The following RGS14 variants were observed in gnomAD, a reference collection of about 807,000 sequenced individuals.
RGS14 encodes the protein regulator of G-protein signaling 14.
A neutral mutation model predicts 63.8 loss-of-function variants in RGS14; 33 were observed. The ratio of observed to expected loss-of-function variants is 0.52; its 90% CI spans 0.39 to 0.69. The LOEUF is 0.69. Ranked by LOEUF, RGS14 falls within the 30% of genes least tolerant of loss-of-function variation. The pLI is 0.00. For synonymous variants in RGS14, 296 were observed against 320.9 expected (o/e 0.92, Z 0.83); for missense variants, 739 against 742.9 (o/e 0.99, Z 0.06).
At chr5:177,370,800 G>T in intron 10 of RGS14, 105 bp from the exon 11 acceptor site, 1 of 1,455,208 alleles carries the variant, frequency 6.9e-7, no homozygotes, top group Non-Finnish European at 9.3e-7. Flanking sequence ...CTACAAGCCA[G>T]TCCCACCTTC....
chr5:177,360,055 C>G (rs1366835697), intron 1 of RGS14, among the ~76,000 whole-genome samples: 1 of 152,204 alleles, frequency 6.6e-6, no homozygotes, highest in Non-Finnish European at 1.5e-5. Context: ...GCTTGTCAGG[C>G]AGTTGCAAGG....
rs1761870899 is a variant in RGS14 at position 177,358,273 on chromosome 5, A to G, written c.45+204A>G. 6.6e-6 allele frequency among the ~76,000 whole-genome samples: 1 copy of G among 152,158 alleles called. No homozygotes were observed. The highest frequency in any genetic ancestry group is 2.4e-5 in the African/African-American group (1 of 41,442). The stretch of plus-strand genomic sequence containing the variant: ...GATGGCCCAGCCGGGAGCCTGGTAC[A>G]ACCCTGGCAGTGAGGCCAGAGCGGG... On this transcript the variant is annotated intron_variant, in intron 1 of 14. Coordinates refer to ENST00000408923, the MANE Select transcript of RGS14 (RefSeq NM_006480.5). The surrounding 1 kb of genome is among the most constrained non-coding windows in gnomAD (Gnocchi z 4.8).
chr5:177,360,566 TAAAAAAAAAAA>T (rs750301708), intron 1 of RGS14, among the ~76,000 whole-genome samples: 1 of 64,828 alleles, frequency 1.5e-5, no homozygotes, highest in Non-Finnish European at 2.9e-5. Context: ...GATCCTATAT[TAAAAAAAAAAA>T]AAAAAAAAAA....
chr5:177,368,324 C>G (rs996472760), intron 8 of RGS14, 58 bp downstream of exon 8: 1 of 1,514,266 alleles, frequency 6.6e-7, no homozygotes, highest in African/African-American at 1.4e-5. Flanking sequence ...CTACTCAGGC[C>G]CATTTACGTG....
chr5:177,368,658 C>A (rs1458800858), intron 8 of RGS14, 59 bp from the exon 9 acceptor site: 2 of 1,553,314 alleles, frequency 1.3e-6, no homozygotes, highest in Admixed American at 1.7e-5. Flanking sequence ...TCTCTGTGTA[C>A]CTGTGTGCAT....
At position 177,364,654 on chromosome 5, in the gene RGS14, G is replaced by A. The variant is rs985531864; in HGVS notation, c.46-1309G>A. On this transcript the variant is annotated intron_variant, in intron 1 of 14. Transcript: ENST00000408923. This position sits in a 1 kb window ranked among gnomAD's most constrained non-coding sequence, Gnocchi z 4.6. ...AAAGTGCCCAGGACAGAGCCAGAGA[G>A]GGGTTGAGGCCACATTGCATGAGTG... Among the ~76,000 whole-genome samples, 27 of 152,206 alleles carry A rather than the reference G, an allele frequency of 1.8e-4. No homozygotes were observed. Among genetic ancestry groups the A allele is most frequent in the Admixed American group, 1.3e-3 (20 of 15,278 alleles).
chr5:177,371,223 G>A lies in RGS14; in HGVS notation c.1313G>A (p.Arg438Lys), dbSNP rs763078365. The change falls in exon 12 of 15, where the codon AGA becomes AAA. Residue 438 changes from arginine (R) to lysine (K), a missense_variant. Arg to Lys is a conservative substitution (Grantham distance 26). Transcript: ENST00000408923. The surrounding 1 kb of genome is among the most constrained non-coding windows in gnomAD (Gnocchi z 6.1). ...CTAGTGAGCTCGGTGGCGGCCCAGA[G>A]ACTGGTTTTGGACACTCTTCCAGGT... ...GKLVSSVAAQ[R>K]LVLDTLPGVK... 24 of 1,613,732 alleles carry A rather than the reference G, an allele frequency of 1.5e-5. No individual in the cohort carries two copies. Among genetic ancestry groups the A allele is most frequent in the Non-Finnish European group, 2.0e-5 (24 of 1,179,914 alleles).
At chr5:177,361,822 T>C (rs1761971980) in intron 1 of RGS14, among the ~76,000 whole-genome samples, 1 of 152,164 alleles carries the variant, frequency 6.6e-6, no homozygotes, top group African/African-American at 2.4e-5. Context: ...GGTCCAAGCC[T>C]GGGTCCGTGT....
intron 10 of RGS14, 81 bp from the exon 11 acceptor site, chr5:177,370,824 C>G: frequency 2.6e-6 from 4 of 1,568,422 alleles, no homozygotes; most frequent in Non-Finnish European, 3.4e-6. Context: ...AGTTCAAGCT[C>G]CACCCCCTCG....
At position 177,370,519 on chromosome 5, in the gene RGS14, T is replaced by C. The variant is rs1036742357; in HGVS notation, c.1054-72T>C. 4.3e-5 allele frequency: 60 copies of C among 1,388,532 alleles called. No individual in the cohort carries two copies. The African/African-American group carries it at 8.4e-4, about 19-fold the overall frequency. 86.0% of individuals were successfully genotyped at this position (1,388,532 alleles called of 1,614,324 possible). On this transcript the variant is annotated intron_variant, in intron 9 of 14. Transcript: ENST00000408923. Reference sequence around the variant, plus strand: ...TGGTGGCCATGGGAGGGCGTGAAGTTGTTCTCAGACCCACAGGGATGGCTG... The same window carrying C: ...TGGTGGCCATGGGAGGGCGTGAAGTCGTTCTCAGACCCACAGGGATGGCTG...
In RGS14 at chr5:177,368,205, C is replaced by A; in HGVS notation, c.788C>A (p.Ser263Tyr). 6.2e-7 allele frequency: 1 copy of A among 1,613,966 alleles called. No homozygotes were observed. The highest frequency in any genetic ancestry group is 8.5e-7 in the Non-Finnish European group (1 of 1,179,938). Residue 263 changes from serine (S) to tyrosine (Y), a missense_variant, in exon 8 of 15, where the codon TCC (serine) becomes TAC (tyrosine). Coordinates refer to ENST00000408923, the MANE Select transcript of RGS14 (RefSeq NM_006480.5). ...NAALRRESQGSLNSSASLDLG... is the reference protein window; with the variant it reads ...NAALRRESQGYLNSSASLDLG... The stretch of plus-strand genomic sequence containing the variant: ...GCCTTGCGCCGAGAGTCTCAGGGCT[C>A]CCTCAACTCCTCCGCCAGCCTGGAC...
Position 177,371,423 on chromosome 5 carries a change from C to T in RGS14, c.1383+27C>T. 1 of 1,614,134 alleles carries T rather than the reference C, an allele frequency of 6.2e-7. No individual in the cohort carries two copies. Among genetic ancestry groups the T allele is most frequent in the Non-Finnish European group, 8.5e-7 (1 of 1,179,990 alleles). Reference sequence around the variant, plus strand: ...TGAGCGAAAGGCGAGTGGCCTCTTCCACCCTCTGCTTCTCCCCTCCCGATT... The same window carrying T: ...TGAGCGAAAGGCGAGTGGCCTCTTCTACCCTCTGCTTCTCCCCTCCCGATT... On this transcript the variant is annotated intron_variant, in intron 13 of 14. Transcript: ENST00000408923. This position sits in a 1 kb window ranked among gnomAD's most constrained non-coding sequence, Gnocchi z 6.1.
chr5:177,367,584 G>A (rs1309534089), intron 6 of RGS14, 27 bp downstream of exon 6: 2 of 1,593,312 alleles, frequency 1.3e-6, no homozygotes, highest in South Asian at 1.1e-5. Context: ...GAGGGACTGG[G>A]CGAGGCAGGG....
intron 8 of RGS14, among the ~76,000 whole-genome samples, chr5:177,368,509 C>T (rs958629702): frequency 6.6e-6 from 1 of 152,244 alleles, no homozygotes; most frequent in African/African-American, 2.4e-5. Context: ...ATACACAGCA[C>T]GTGTGTGGGA....
intron 8 of RGS14, 42 bp from the exon 9 acceptor site, chr5:177,368,675 G>A (rs1762166804): frequency 1.3e-6 from 2 of 1,593,522 alleles, no homozygotes; most frequent in South Asian, 2.2e-5. Flanking sequence ...GCATGCCCTT[G>A]CATGTGTACA....
rs1197430281 is a variant in RGS14, at chr5:177,366,702, T to C, written c.247-6T>C. On this transcript the variant is annotated splice_polypyrimidine_tract_variant and splice_region_variant and intron_variant, in intron 3 of 14. Transcript: ENST00000408923. ...TCTGCCTGCCTCCCCCTCCTTCCCC[T>C]CCCAGGAGTTCCTGAAGAAGGAGTT... is the stretch of plus-strand genomic sequence containing the variant. 1.2e-6 allele frequency: 2 copies of C among 1,613,846 alleles called. No individual in the cohort carries two copies. Among genetic ancestry groups the C allele is most frequent in the African/African-American group, 1.3e-5 (1 of 74,982 alleles).
intron 7 of RGS14, 119 bp from the exon 8 acceptor site, chr5:177,368,038 A>G: frequency 6.7e-7 from 1 of 1,492,278 alleles, no homozygotes; most frequent in South Asian, 1.3e-5. Context: ...GCTCCCAGGG[A>G]TTTACACCTG....
Position 177,371,099 on chromosome 5 carries a change from G to GGGGCC in RGS14, c.1255-62_1255-58dup, listed in dbSNP as rs1286821498. 5.0e-5 allele frequency: 46 copies of GGGGCC among 915,132 alleles called. No homozygotes were observed. The African/African-American group carries it at 9.6e-4, about 19-fold the overall frequency. 56.7% of individuals were successfully genotyped at this position (915,132 alleles called of 1,614,324 possible). On this transcript the variant is annotated intron_variant, in intron 11 of 14. Transcript: ENST00000408923. This position sits in a 1 kb window ranked among gnomAD's most constrained non-coding sequence, Gnocchi z 6.1. ...CGGGGCCGGGGCCGGGGCCGGGGCC[G>GGGGCC]GGGCCGGGGCCGGGGCCGGGGCCGG...
rs1007028372 is a variant in RGS14, at chr5:177,358,463, G to C, written c.45+394G>C. Among the ~76,000 whole-genome samples the C allele has an allele frequency of 6.6e-6, 1 of 152,150 alleles. No individual in the cohort carries two copies. On this transcript the variant is annotated intron_variant, in intron 1 of 14. Coordinates refer to ENST00000408923, the MANE Select transcript of RGS14 (RefSeq NM_006480.5). This position sits in a 1 kb window ranked among gnomAD's most constrained non-coding sequence, Gnocchi z 4.8. ...CTGAGTCCTCCCCTCCTCACCCCCT[G>C]CTCCAGGTGCCCAAGGTCATGTTAG...
Sources: allele counts gnomAD v4.1 joint callset (sites outside exome capture counted in the v4.1 genomes callset), GRCh38; gene constraint gnomAD v4.1.1; non-coding constraint Gnocchi (gnomAD v3.1); transcripts MANE v1.5; gene names NCBI Gene and HGNC (gene_info 2026-07-23, HGNC 2026-07-21).